The following PDGFD variants were observed in gnomAD, a reference collection of about 807,000 sequenced individuals.
PDGFD encodes platelet-derived growth factor D.
Under a neutral mutation model 44.7 loss-of-function variants are expected in PDGFD, and 30 were observed. The ratio of observed to expected loss-of-function variants is 0.67; its 90% CI spans 0.50 to 0.91. The LOEUF (loss-of-function observed/expected upper bound fraction) is 0.91. Ranked by LOEUF, PDGFD falls within the 40% of genes least tolerant of loss-of-function variation. PDGFD has a pLI of 0.00. For missense variants in PDGFD, 445 were observed against 457.8 expected (o/e 0.97, Z 0.25); for synonymous variants, 173 against 168.4 (o/e 1.03, Z -0.21).
chr11:104,059,866 G>T (rs1403693624), intron 1 of PDGFD, among the ~76,000 whole-genome samples: 1 of 152,136 alleles, frequency 6.6e-6, no homozygotes, highest in African/African-American at 2.4e-5. Flanking sequence ...CTAACCTCTA[G>T]CAAACTGGCT....
At chr11:104,067,725 C>A (rs1860811613) in intron 1 of PDGFD, among the ~76,000 whole-genome samples, 1 of 152,098 alleles carries the variant, frequency 6.6e-6, no homozygotes, top group Admixed American at 6.5e-5. Flanking sequence ...GGCATCTGCT[C>A]ATGCCCACGG....
rs1289213777 is a variant in PDGFD, at chr11:104,055,753, T to G, written c.125-55498A>C. ...TTGAGTGCTTTGAAGGTGCCAACTATAGTGATCTAATGTGCTATAGAAATT... is the reference window on the plus strand; with the variant it reads ...TTGAGTGCTTTGAAGGTGCCAACTAGAGTGATCTAATGTGCTATAGAAATT... On this transcript the variant is annotated intron_variant, in intron 1 of 6. Transcript: ENST00000393158. 2.0e-5 allele frequency among the ~76,000 whole-genome samples: 3 copies of G among 152,180 alleles called. No individual in the cohort carries two copies. In the East Asian group the frequency reaches 5.8e-4, roughly 29 times the overall value.
At chr11:103,994,041 C>G (rs923834997) in intron 3 of PDGFD, among the ~76,000 whole-genome samples, 1 of 152,106 alleles carries the variant, frequency 6.6e-6, no homozygotes, top group Admixed American at 6.6e-5. Flanking sequence ...TTAAAATTGA[C>G]CAAGAAATGA....
chr11:103,976,790 A>C (rs1043463402), intron 3 of PDGFD, among the ~76,000 whole-genome samples: 2 of 152,126 alleles, frequency 1.3e-5, no homozygotes, highest in African/African-American at 4.8e-5. Context: ...CCTTTTCGGC[A>C]TCTATTGAGA....
chr11:104,059,672 C>T (rs1243161584), intron 1 of PDGFD, among the ~76,000 whole-genome samples: 3 of 152,170 alleles, frequency 2.0e-5, no homozygotes, highest in Non-Finnish European at 2.9e-5. Context: ...GCCTAAGGAA[C>T]AACTAATCCT....
intron 1 of PDGFD, among the ~76,000 whole-genome samples, chr11:104,094,281 T>C (rs1369967548): frequency 6.6e-6 from 1 of 151,950 alleles, no homozygotes; most frequent in African/African-American, 2.4e-5. Context: ...TGGCCCTTCC[T>C]CCTCTAACTC....
intron 6 of PDGFD, among the ~76,000 whole-genome samples, chr11:103,914,254 C>A (rs772711928): frequency 1.3e-5 from 2 of 152,130 alleles, no homozygotes; most frequent in Non-Finnish European, 2.9e-5. Context: ...AGGGCAGGCA[C>A]AGAAGTAAGT....
intron 1 of PDGFD, among the ~76,000 whole-genome samples, chr11:104,153,219 C>T (rs1418820721): frequency 6.6e-6 from 1 of 152,150 alleles, no homozygotes; most frequent in Non-Finnish European, 1.5e-5. Flanking sequence ...AACACTCTCT[C>T]TCTCTCATTT....
chr11:104,082,137 C>CATATATATATATATATATATAT lies in PDGFD; in HGVS notation c.124+81666_124+81667insATATATATATATATATATATAT, dbSNP rs937501432. On this transcript the variant is annotated intron_variant, in intron 1 of 6. Transcript: ENST00000393158. ...TTGTTGATGTCCATATACATACATA[C>CATATATATATATATATATATAT]ATATATATATATGAAAAACAAAGTC... Among the ~76,000 whole-genome samples the CATATATATATATATATATATAT allele has an allele frequency of 8.0e-4, 98 of 123,262 alleles. 2 individuals are homozygous for CATATATATATATATATATATAT. The highest frequency in any genetic ancestry group is 3.0e-3 in the African/African-American group (89 of 29,290). 80.9% of individuals were successfully genotyped at this position (123,262 alleles called of 152,430 possible).
intron 1 of PDGFD, among the ~76,000 whole-genome samples, chr11:104,008,733 T>C (rs12786462): frequency 0.29 from 44,187 of 152,008 alleles, 8,006 homozygotes; most frequent in Admixed American, 0.48. Context: ...AAATAAATCA[T>C]ATTGGAGAAA....
chr11:104,028,431 T>TTTTTGC (rs545595671), intron 1 of PDGFD, among the ~76,000 whole-genome samples: 44 of 150,900 alleles, frequency 2.9e-4, no homozygotes, highest in African/African-American at 9.3e-4. Flanking sequence ...TCTGTTTTTG[T>TTTTTGC]TTTTGCTTTT....
chr11:104,122,558 T>A (rs1861792024), intron 1 of PDGFD, among the ~76,000 whole-genome samples: 2 of 151,994 alleles, frequency 1.3e-5, no homozygotes, highest in South Asian at 4.1e-4. Flanking sequence ...CAGAGAGCTA[T>A]CCTCTTTCTT....
rs75063774 is a variant in PDGFD at position 104,146,493 on chromosome 11, A to G, written c.124+17311T>C. Among the ~76,000 whole-genome samples, 814 of 152,218 alleles carry G rather than the reference A, an allele frequency of 5.3e-3. 4 individuals carry two copies. The highest frequency in any genetic ancestry group is 0.019 in the African/African-American group (789 of 41,530). On this transcript the variant is annotated intron_variant, in intron 1 of 6. Coordinates refer to ENST00000393158, the MANE Select transcript of PDGFD (RefSeq NM_025208.5). The stretch of plus-strand genomic sequence containing the variant: ...TTGTTTCCACATTTCTTCAGAGCAA[A>G]CCTCATATGTCAAGATAGGGATCTC...
intron 5 of PDGFD, among the ~76,000 whole-genome samples, chr11:103,928,298 G>C (rs918328998): frequency 1.3e-5 from 2 of 152,182 alleles, no homozygotes; most frequent in African/African-American, 4.8e-5. Context: ...TGTCTGCACA[G>C]AACCCACCAC....
At chr11:104,103,893 T>A (rs972446800) in intron 1 of PDGFD, among the ~76,000 whole-genome samples, 4 of 152,036 alleles carry the variant, frequency 2.6e-5, no homozygotes, top group South Asian at 2.1e-4. Flanking sequence ...CTACTTATAT[T>A]TTTTTTAAAG....
intron 1 of PDGFD, among the ~76,000 whole-genome samples, chr11:104,148,434 T>A (rs1862194948): frequency 6.6e-6 from 1 of 152,120 alleles, no homozygotes; most frequent in Admixed American, 6.6e-5. Context: ...AGCTTTGAAA[T>A]GTGACTACTC....
In PDGFD at chr11:104,122,715, AACAAT is replaced by A. The variant is rs1463607445; in HGVS notation, c.124+41084_124+41088del. Among the ~76,000 whole-genome samples the A allele has an allele frequency of 1.1e-4, 11 of 96,860 alleles. No homozygotes were observed. In the East Asian group the frequency reaches 4.1e-3, roughly 36 times the overall value. 63.5% of individuals were successfully genotyped at this position (96,860 alleles called of 152,430 possible). A position where few individuals can be genotyped will look rare whatever the true frequency, so the allele number is the denominator to read the frequency against. ...TACTGAAAATACAACTTATAATACA[AACAAT>A]TTTTTTTTAAATTTTCTTCAGGTAA... On this transcript the variant is annotated intron_variant, in intron 1 of 6. Coordinates refer to ENST00000393158, the MANE Select transcript of PDGFD (RefSeq NM_025208.5).
chr11:104,135,103 T>C (rs1861983687), intron 1 of PDGFD, among the ~76,000 whole-genome samples: 1 of 152,094 alleles, frequency 6.6e-6, no homozygotes, highest in Non-Finnish European at 1.5e-5. Context: ...GACTAAGATA[T>C]CTGTTATATT....
chr11:104,144,054 C>T (rs1862124784), intron 1 of PDGFD, among the ~76,000 whole-genome samples: 2 of 152,118 alleles, frequency 1.3e-5, no homozygotes, highest in Non-Finnish European at 2.9e-5. Context: ...GCTAAAAAGT[C>T]AAACCTCCAG....
Sources: gnomAD v4.1 joint callset for allele counts (sites outside exome capture counted in the v4.1 genomes callset) on GRCh38, gnomAD v4.1.1 for gene constraint, MANE v1.5 for transcripts, NCBI Gene and HGNC (gene_info 2026-07-23, HGNC 2026-07-21) for gene names.